The following PALM2AKAP2 variants were observed in gnomAD, a reference collection of about 807,000 sequenced individuals.
PALM2AKAP2 encodes the protein PALM2 and AKAP2 fusion, also known as PALM2-AKAP2 fusion protein.
PALM2AKAP2 carries 37 observed loss-of-function variants against 71.5 expected under a neutral mutation model. The observed-to-expected ratio is 0.52, with a 90% CI of 0.40 to 0.68. The LOEUF is 0.68. Ranked by LOEUF, PALM2AKAP2 falls within the 30% of genes least tolerant of loss-of-function variation. PALM2AKAP2 has a pLI of 0.00. For missense variants in PALM2AKAP2, 1,224 were observed against 1,191.8 expected (o/e 1.03, Z -0.40); for synonymous variants, 468 against 478.8 (o/e 0.98, Z 0.29).
At chr9:110,136,339 T>C (rs1835865278) in exon 2 of PALM2AKAP2, 6 of 1,614,196 alleles carry the variant, frequency 3.7e-6, no homozygotes, top group Non-Finnish European at 5.1e-6. Flanking sequence ...CACCCCCGCA[T>C]AATGGCCTCC....
intron 1 of PALM2AKAP2, among the ~76,000 whole-genome samples, chr9:109,723,751 G>A (rs1026516142): frequency 1.3e-5 from 2 of 152,204 alleles, no homozygotes; most frequent in Non-Finnish European, 2.9e-5. Context: ...AGGTGGTGAG[G>A]GTGGATCCAT....
chr9:109,780,227 G>GGCGGCGGCGACCGGGAGATGCAGTGA (rs1447298171), upstream of PALM2AKAP2: 44 of 1,040,724 alleles, frequency 4.2e-5, no homozygotes, highest in East Asian at 2.7e-3. Context: ...CGCGGCCGGC[G>GGCGGCGGCGACCGGGAGATGCAGTGA]GCGGCGGCGA....
chr9:109,663,816 G>A (rs1827437552), intron 1 of PALM2AKAP2, among the ~76,000 whole-genome samples: 1 of 152,168 alleles, frequency 6.6e-6, no homozygotes, highest in Non-Finnish European at 1.5e-5. Context: ...TATTGTGTGG[G>A]AGTCTAAGTC....
intron 1 of PALM2AKAP2, among the ~76,000 whole-genome samples, chr9:109,840,779 A>C (rs1381940864): frequency 1.3e-5 from 2 of 152,240 alleles, no homozygotes; most frequent in African/African-American, 2.4e-5. Flanking sequence ...GCTCATCATC[A>C]CTGGCCATCA....
At chr9:110,024,084 G>T (rs564047510) in intron 7 of PALM2AKAP2, among the ~76,000 whole-genome samples, 3 of 152,132 alleles carry the variant, frequency 2.0e-5, no homozygotes, top group Non-Finnish European at 4.4e-5. Context: ...CTAAATTGTA[G>T]TTCTTTTTTT....
intron 1 of PALM2AKAP2, among the ~76,000 whole-genome samples, chr9:110,061,112 A>T (rs936238954): frequency 6.6e-6 from 1 of 152,178 alleles, no homozygotes; most frequent in Non-Finnish European, 1.5e-5. Flanking sequence ...TGGGCATGAT[A>T]ATGTGTGTCA....
At chr9:109,752,407 T>C (rs1308273854) in intron 1 of PALM2AKAP2, among the ~76,000 whole-genome samples, 2 of 152,154 alleles carry the variant, frequency 1.3e-5, no homozygotes, top group African/African-American at 2.4e-5. Flanking sequence ...AGAGTCTGCA[T>C]TTCTAAGGAG....
chr9:109,681,472 C>T (rs1827732439), intron 1 of PALM2AKAP2, among the ~76,000 whole-genome samples: 1 of 152,130 alleles, frequency 6.6e-6, no homozygotes, highest in South Asian at 2.1e-4. Flanking sequence ...GCACTAAGCA[C>T]AATGTCACAG....
rs563971596 is a variant in PALM2AKAP2 at position 109,839,578 on chromosome 9, A to G, written c.46-27913A>G. ...AAGAAATAAAGGGTATTCAATTAGG[A>G]AAAGAGGAAGTCAAATTGTCCCTGT... On this transcript the variant is annotated intron_variant, in intron 1 of 9. Transcript: ENST00000302798. 2.6e-3 allele frequency among the ~76,000 whole-genome samples: 391 copies of G among 152,310 alleles called. 4 individuals carry two copies. Among genetic ancestry groups the G allele is most frequent in the African/African-American group, 8.8e-3 (366 of 41,564 alleles).
chr9:110,014,823 T>TATATATATATATATATATATATATAC (rs1832950733), intron 6 of PALM2AKAP2, among the ~76,000 whole-genome samples: 2 of 91,286 alleles, frequency 2.2e-5, no homozygotes, highest in African/African-American at 7.4e-5. Flanking sequence ...TATATATATA[T>TATATATATATATATATATATATATAC]ATATATATAT....
At chr9:109,855,124 G>A (rs935959328) in intron 1 of PALM2AKAP2, among the ~76,000 whole-genome samples, 4 of 151,752 alleles carry the variant, frequency 2.6e-5, no homozygotes, top group African/African-American at 9.7e-5. Flanking sequence ...CCAGGCTGGA[G>A]TGCAGTGGCA....
chr9:109,859,738 C>T (rs1233942386), intron 1 of PALM2AKAP2, among the ~76,000 whole-genome samples: 3 of 152,202 alleles, frequency 2.0e-5, no homozygotes, highest in Non-Finnish European at 2.9e-5. Context: ...GTGGAATTAT[C>T]CACTTCACCT....
intron 1 of PALM2AKAP2, among the ~76,000 whole-genome samples, chr9:109,857,562 A>C (rs1829201142): frequency 1.3e-5 from 2 of 152,180 alleles, no homozygotes; most frequent in Non-Finnish European, 2.9e-5. Flanking sequence ...TGGCAGATAA[A>C]TGTGGAGGTG....
intron 1 of PALM2AKAP2, among the ~76,000 whole-genome samples, chr9:109,698,961 TA>T (rs1432288951): frequency 1.3e-5 from 2 of 152,364 alleles, no homozygotes; most frequent in Admixed American, 6.5e-5. Context: ...TATGCATGTA[TA>T]ATTATATAAG....
At chr9:109,907,705 A>G (rs982241817) in intron 3 of PALM2AKAP2, among the ~76,000 whole-genome samples, 3 of 152,238 alleles carry the variant, frequency 2.0e-5, no homozygotes, top group Non-Finnish European at 4.4e-5. Flanking sequence ...AACTCTTACA[A>G]TAACTCTGGA....
chr9:109,815,745 T>G (rs940378846), intron 1 of PALM2AKAP2, among the ~76,000 whole-genome samples: 2 of 152,216 alleles, frequency 1.3e-5, no homozygotes, highest in African/African-American at 4.8e-5. Context: ...AAGTTGGGGA[T>G]TAAATGAAGT....
chr9:110,080,754 C>T (rs1834432219), intron 1 of PALM2AKAP2, among the ~76,000 whole-genome samples: 1 of 152,200 alleles, frequency 6.6e-6, no homozygotes, highest in African/African-American at 2.4e-5. Flanking sequence ...TCTTGGCTCA[C>T]CACAACCTCC....
chr9:109,900,210 G>A (rs1830298677), intron 3 of PALM2AKAP2, among the ~76,000 whole-genome samples: 1 of 152,196 alleles, frequency 6.6e-6, no homozygotes, highest in African/African-American at 2.4e-5. Context: ...CTAAAGGAAG[G>A]AGATTGTTTT....
intron 7 of PALM2AKAP2, among the ~76,000 whole-genome samples, chr9:110,016,769 G>A (rs1411638561): frequency 1.3e-5 from 2 of 152,112 alleles, no homozygotes; most frequent in African/African-American, 4.8e-5. Context: ...GGGGGTGGGA[G>A]GGCTTTCTAA....
Sources: allele counts gnomAD v4.1 joint callset (sites outside exome capture counted in the v4.1 genomes callset), GRCh38; gene constraint gnomAD v4.1.1; transcripts MANE v1.5; gene names NCBI Gene and HGNC (gene_info 2026-07-23, HGNC 2026-07-21).